The following ARFGEF3 variants were observed in gnomAD, a reference collection of about 807,000 sequenced individuals.
ARFGEF3 encodes brefeldin A-inhibited guanine nucleotide-exchange protein 3.
Under a neutral mutation model 221.7 loss-of-function variants are expected in ARFGEF3, and 96 were observed. The observed-to-expected ratio is 0.43, with a 90% CI of 0.37 to 0.51. The LOEUF (loss-of-function observed/expected upper bound fraction) is 0.51, where lower values mean the gene tolerates loss of function less well. Among genes scored for constraint, ARFGEF3 ranks in the 20% least tolerant of loss-of-function variants. The probability of loss-of-function intolerance (pLI) is 0.00; values close to 1 mark genes in which losing one functional copy is unlikely to be tolerated. For synonymous variants in ARFGEF3, 1,145 were observed against 1,126.8 expected, an observed-to-expected ratio of 1.02 and a Z score of -0.32; for missense variants, 2,410 against 2,789.9, an observed-to-expected ratio of 0.86 and a Z score of 3.07.
intron 14 of ARFGEF3, among the ~76,000 whole-genome samples, chr6:138,284,480 G>T (rs1261969161): frequency 6.6e-6 from 1 of 152,178 alleles, no homozygotes; most frequent in Non-Finnish European, 1.5e-5. Context: ...TGGCGAGCCT[G>T]ACTCAGGGCT....
chr6:138,309,006 G>A (rs890709043), intron 24 of ARFGEF3, 145 bp downstream of exon 24: 6 of 896,600 alleles, frequency 6.7e-6, no homozygotes, highest in South Asian at 5.9e-5. Context: ...GTACTCAAAA[G>A]CAAAAACTTA....
chr6:138,184,929 G>A (rs914921864), intron 2 of ARFGEF3, among the ~76,000 whole-genome samples: 6 of 152,158 alleles, frequency 3.9e-5, no homozygotes, highest in African/African-American at 1.4e-4. Context: ...ATACACAAGG[G>A]TATTCTTAGT....
In ARFGEF3 at chr6:138,162,253, G is replaced by C; in HGVS notation, c.85+82G>C. 2 of 1,001,890 alleles carry C rather than the reference G, an allele frequency of 2.0e-6. No individual in the cohort carries two copies. Among genetic ancestry groups the C allele is most frequent in the Non-Finnish European group, 2.9e-6 (2 of 689,982 alleles). The allele number at this position is 1,001,890 out of a possible 1,614,324, so 62.1% of individuals were successfully genotyped here. ...CCGCGCCTCCGCGCGTGGGGCTTTC[G>C]CGGAGCGTCGGTCATGGGTGCCGTT... On this transcript the variant is annotated intron_variant, in intron 1 of 33. Coordinates refer to ENST00000251691, the MANE Select transcript of ARFGEF3 (RefSeq NM_020340.5). The surrounding 1 kb of genome is among the most constrained non-coding windows in gnomAD (Gnocchi z 4.7).
intron 2 of ARFGEF3, among the ~76,000 whole-genome samples, chr6:138,172,597 G>A (rs1466645800): frequency 1.3e-5 from 2 of 152,128 alleles, no homozygotes; most frequent in Non-Finnish European, 1.5e-5. Context: ...CAATATTGAA[G>A]GAGCTATAAG....
In ARFGEF3 at chr6:138,181,525, CCT is replaced by C. The variant is rs556157200; in HGVS notation, c.137+10815_137+10816del. Among the ~76,000 whole-genome samples the C allele has an allele frequency of 2.1e-4, 32 of 152,288 alleles. No homozygotes were observed. In the East Asian group the frequency reaches 5.0e-3, roughly 24 times the overall value. ...GTGGTGTGATTTGGGCTCACTGCAA[CCT>C]CTGTCTCCCGGGTTCAAGCAATTCT... On this transcript the variant is annotated intron_variant, in intron 2 of 33. Coordinates refer to ENST00000251691, the MANE Select transcript of ARFGEF3 (RefSeq NM_020340.5).
intron 2 of ARFGEF3, among the ~76,000 whole-genome samples, chr6:138,174,078 TGG>T (rs2114435395): frequency 6.6e-6 from 1 of 152,260 alleles, no homozygotes; most frequent in East Asian, 1.9e-4. Flanking sequence ...AAAAACAATT[TGG>T]AAGGAAGAGA....
At chr6:138,219,236 G>C (rs867736815) in intron 4 of ARFGEF3, among the ~76,000 whole-genome samples, 2 of 152,172 alleles carry the variant, frequency 1.3e-5, no homozygotes, top group African/African-American at 4.8e-5. Flanking sequence ...AGATAATTAT[G>C]TTGGGAGAGA....
At chr6:138,217,312 G>A (rs1411489342) in intron 4 of ARFGEF3, 1 of 152,148 alleles carries the variant, frequency 6.6e-6, no homozygotes, top group Non-Finnish European at 1.5e-5. Context: ...AACAGAATGG[G>A]AAAGTTCTCT....
At chr6:138,242,175 G>A (rs570453153) in intron 6 of ARFGEF3, among the ~76,000 whole-genome samples, 26 of 152,302 alleles carry the variant, frequency 1.7e-4, no homozygotes, top group African/African-American at 5.8e-4. Context: ...GATGAGTTAC[G>A]TGTCCGGTAA....
chr6:138,277,987 C>T (rs374830267), intron 12 of ARFGEF3, among the ~76,000 whole-genome samples: 6 of 152,276 alleles, frequency 3.9e-5, no homozygotes, highest in South Asian at 2.1e-4. Flanking sequence ...AAAACAAATG[C>T]AAAGGCCCTG....
At chr6:138,250,496 G>A in intron 8 of ARFGEF3, among the ~76,000 whole-genome samples, 1 of 152,180 alleles carries the variant, frequency 6.6e-6, no homozygotes, top group East Asian at 1.9e-4. Flanking sequence ...CATTCCCACT[G>A]TCTGTCTTAA....
chr6:138,201,559 T>C lies in ARFGEF3; in HGVS notation c.138-5483T>C, dbSNP rs187498937. On this transcript the variant is annotated intron_variant, in intron 2 of 33. Transcript: ENST00000251691. ...TTGGAGACTATTATTCTAAGTGAAG[T>C]AACTCAGGAATGGAAAACCACACAT... Among the ~76,000 whole-genome samples the C allele has an allele frequency of 2.6e-5, 4 of 152,288 alleles. No individual in the cohort carries two copies. The East Asian group carries it at 7.7e-4, about 29-fold the overall frequency.
At chr6:138,189,704 TA>T (rs1489709859) in intron 2 of ARFGEF3, among the ~76,000 whole-genome samples, 2 of 152,178 alleles carry the variant, frequency 1.3e-5, no homozygotes, top group Non-Finnish European at 2.9e-5. Flanking sequence ...TCCTTTATTA[TA>T]GGAATGATTT....
rs1779827548 is a variant in ARFGEF3, at chr6:138,311,439, G to A, written c.4129G>A (p.Ala1377Thr). The change falls in exon 25 of 34, where the codon GCC becomes ACC. Residue 1377 changes from alanine to threonine, a missense_variant. Around this residue, in one of 5 missense-constraint regions of ARFGEF3, gnomAD observed 723 missense variants for 991.9 expected, o/e 0.73. Transcript: ENST00000251691. ...EVDCKEIGDC[A>T]PAPGAPSTDL... ...GGACTGTAAAGAGATTGGAGACTGT[G>A]CCCCAGCACCCGGAGCCCCGTCCAC... 3 of 1,608,680 alleles carry A rather than the reference G, an allele frequency of 1.9e-6. No homozygotes were observed. Among genetic ancestry groups the A allele is most frequent in the Non-Finnish European group, 2.5e-6 (3 of 1,177,900 alleles).
intron 3 of ARFGEF3, among the ~76,000 whole-genome samples, chr6:138,209,224 T>C (rs1777676354): frequency 6.6e-6 from 1 of 152,144 alleles, no homozygotes; most frequent in African/African-American, 2.4e-5. Flanking sequence ...AAAATGATCT[T>C]GTCTACAAGA....
chr6:138,265,913 A>G (rs1330918694), intron 12 of ARFGEF3, among the ~76,000 whole-genome samples: 1 of 151,524 alleles, frequency 6.6e-6, no homozygotes, highest in Non-Finnish European at 1.5e-5. Flanking sequence ...TTTTTTTTTA[A>G]TTTTATAGAT....
intron 4 of ARFGEF3, chr6:138,218,505 A>G (rs1018484436): frequency 7.0e-7 from 1 of 1,433,740 alleles, no homozygotes; most frequent in Non-Finnish European, 9.2e-7. Flanking sequence ...ACCATCAGCC[A>G]TGATTCCACA....
intron 19 of ARFGEF3, 22 bp from the exon 20 acceptor site, chr6:138,293,971 A>T: frequency 1.2e-6 from 2 of 1,609,568 alleles, no homozygotes; most frequent in Non-Finnish European, 1.7e-6. Flanking sequence ...CAAAGAACAC[A>T]TCTCTTTCTG....
At chr6:138,213,452 C>CAAAAA (rs990167074) in intron 4 of ARFGEF3, among the ~76,000 whole-genome samples, 1 of 144,146 alleles carries the variant, frequency 6.9e-6, no homozygotes. Flanking sequence ...GACCCTGTCT[C>CAAAAA]AAAAAAAAAA....
Sources: gnomAD v4.1 joint callset for allele counts (sites outside exome capture counted in the v4.1 genomes callset) on GRCh38, gnomAD v4.1.1 for gene constraint, gnomAD v4.1.1 regional missense constraint, Gnocchi (gnomAD v3.1) non-coding constraint, MANE v1.5 for transcripts, NCBI Gene and HGNC (gene_info 2026-07-23, HGNC 2026-07-21) for gene names.